AKAP13: variants seen among roughly 807,000 people sequenced by gnomAD.
AKAP13 encodes A-kinase anchoring protein 13, also known as A-kinase anchor protein 13.
In AKAP13, 80 loss-of-function variants were observed where a neutral mutation model predicts 264.5. The ratio of observed to expected loss-of-function variants is 0.30; its 90% CI spans 0.25 to 0.36. The LOEUF (loss-of-function observed/expected upper bound fraction) is 0.36. Among genes scored for constraint, AKAP13 ranks in the 10% least tolerant of loss-of-function variants. AKAP13 has a pLI of 1.00. For synonymous variants in AKAP13, 1,380 were observed against 1,250.2 expected (o/e 1.10, Z -2.19); for missense variants, 3,712 against 3,435.2 (o/e 1.08, Z -2.01).
chr15:85,715,106 G>A (rs952868500), intron 19 of AKAP13, among the ~76,000 whole-genome samples: 6 of 152,010 alleles, frequency 3.9e-5, no homozygotes, highest in African/African-American at 1.5e-4. Flanking sequence ...TTATTTTCCT[G>A]GAGTTCGCTT....
chr15:85,579,753 C>A lies in AKAP13; in HGVS notation c.1685C>A (p.Thr562Asn). 1 of 1,614,222 alleles carries A rather than the reference C, an allele frequency of 6.2e-7. No homozygotes were observed. The highest frequency in any genetic ancestry group is 8.5e-7 in the Non-Finnish European group (1 of 1,180,036). ...SLAFSNEETSTEKTAETETSR... is the reference protein window; with the variant it reads ...SLAFSNEETSNEKTAETETSR... ...GCATTTAGTAATGAAGAAACCTCCA[C>A]TGAAAAAACAGCAGAAACGGAAACT... is the stretch of plus-strand genomic sequence containing the variant. Residue 562 changes from threonine to asparagine, a missense_variant, in exon 7 of 37, where the codon ACT (threonine) becomes AAT (asparagine). Thr to Asn is a moderately conservative substitution (Grantham distance 65). Transcript: ENST00000394518.
At chr15:85,412,432 A>T (rs761190315) in intron 1 of AKAP13, among the ~76,000 whole-genome samples, 1 of 152,252 alleles carries the variant, frequency 6.6e-6, no homozygotes, top group East Asian at 1.9e-4. Flanking sequence ...TAAGCCAGAC[A>T]TTAAAGAGAT....
intron 8 of AKAP13, chr15:85,620,111 G>A: frequency 6.5e-7 from 1 of 1,536,100 alleles, no homozygotes; most frequent in Non-Finnish European, 8.7e-7. Context: ...CGGCACAAGA[G>A]GCGCTACAGC....
At chr15:85,687,794 A>T (rs1273091352) in intron 16 of AKAP13, among the ~76,000 whole-genome samples, 2 of 152,200 alleles carry the variant, frequency 1.3e-5, no homozygotes, top group Non-Finnish European at 2.9e-5. Flanking sequence ...TAATCTCAGT[A>T]CTTTGAGGCT....
chr15:85,490,579 G>A (rs1425613980), intron 2 of AKAP13, among the ~76,000 whole-genome samples: 2 of 152,218 alleles, frequency 1.3e-5, no homozygotes, highest in Non-Finnish European at 2.9e-5. Context: ...GACAAAGTGA[G>A]TCAAGAAAGG....
Position 85,743,809 on chromosome 15 carries a change from C to T in AKAP13, c.8376C>T (p.Ser2792=), listed in dbSNP as rs370338254. ...KKEKKKKNKT[S]RSQPGDGPAS... is the part of the protein sequence containing the mutation. ...AGAAAAAAAAGAAGAACAAAACCAG[C>T]CGCTCTCAGCCCGGTGGTGAGTCAC... The change falls in exon 36 of 37, where the codon AGC becomes AGT. Residue 2792 remains serine (S), a synonymous_variant. Coordinates refer to ENST00000394518, the MANE Select transcript of AKAP13 (RefSeq NM_007200.5). The T allele has an allele frequency of 9.3e-5, 150 of 1,610,300 alleles. No individual in the cohort carries two copies. The highest frequency in any genetic ancestry group is 1.2e-4 in the Non-Finnish European group (138 of 1,178,532).
chr15:85,389,832 C>G (rs2070764986), intron 1 of AKAP13: 1 of 152,222 alleles, frequency 6.6e-6, no homozygotes, highest in Admixed American at 6.5e-5. Context: ...GGGGAGTCTT[C>G]CAGTGAAAAG....
At chr15:85,548,142 A>G (rs886100385) in intron 5 of AKAP13, among the ~76,000 whole-genome samples, 1 of 152,210 alleles carries the variant, frequency 6.6e-6, no homozygotes, top group Non-Finnish European at 1.5e-5. Context: ...TGTTGGGGGT[A>G]TGAGGGAGCT....
chr15:85,690,350 C>G (rs1469446184), intron 16 of AKAP13, among the ~76,000 whole-genome samples: 1 of 152,174 alleles, frequency 6.6e-6, no homozygotes, highest in Non-Finnish European at 1.5e-5. Flanking sequence ...AAATCAGATG[C>G]TTTTCCATTT....
At chr15:85,687,666 T>C (rs1313901176) in intron 16 of AKAP13, among the ~76,000 whole-genome samples, 1 of 152,080 alleles carries the variant, frequency 6.6e-6, no homozygotes, top group Non-Finnish European at 1.5e-5. Flanking sequence ...TAAGTCACCT[T>C]TTATAGTGAG....
At chr15:85,607,597 A>G (rs973860156) in intron 8 of AKAP13, among the ~76,000 whole-genome samples, 1 of 152,210 alleles carries the variant, frequency 6.6e-6, no homozygotes, top group African/African-American at 2.4e-5. Context: ...CTAGCTTAAT[A>G]GAGTCACTAA....
chr15:85,664,480 G>A, intron 12 of AKAP13, 83 bp from the exon 13 acceptor site: 1 of 1,372,704 alleles, frequency 7.3e-7, no homozygotes, highest in South Asian at 1.5e-5. Flanking sequence ...AAACAAGGGA[G>A]ATATACCCAA....
At chr15:85,735,891 G>GTT (rs1464189985) in intron 32 of AKAP13, among the ~76,000 whole-genome samples, 199 bp from the exon 33 acceptor site, 1 of 152,176 alleles carries the variant, frequency 6.6e-6, no homozygotes, top group African/African-American at 2.4e-5. Context: ...GTTTCATTAG[G>GTT]TTTGTTTCAG....
intron 5 of AKAP13, among the ~76,000 whole-genome samples, chr15:85,549,952 T>C (rs1381336883): frequency 2.0e-5 from 3 of 152,200 alleles, no homozygotes; most frequent in African/African-American, 7.2e-5. Flanking sequence ...AGACTATTGC[T>C]GTCACCCAGG....
Position 85,717,341 on chromosome 15 carries a change from A to T in AKAP13, c.5787A>T (p.Ser1929=). ...MSNTWKFLSH[S]TDSLNKISKV... ...ACACCTGGAAATTCCTGTCTCATTC[A>T]ACAGACTCACTAAATAAAATCAGCA... Residue 1929 remains serine (S), a synonymous_variant, in exon 21 of 37, where the codon TCA becomes TCT. Coordinates refer to ENST00000394518, the MANE Select transcript of AKAP13 (RefSeq NM_007200.5). 3.7e-6 allele frequency: 6 copies of T among 1,613,208 alleles called. No individual in the cohort carries two copies. Among genetic ancestry groups the T allele is most frequent in the Non-Finnish European group, 5.1e-6 (6 of 1,179,806 alleles).
At chr15:85,556,578 TCCTAC>T (rs2078156971) in intron 5 of AKAP13, among the ~76,000 whole-genome samples, 1 of 152,332 alleles carries the variant, frequency 6.6e-6, no homozygotes, top group African/African-American at 2.4e-5. Context: ...AAATCCTAGT[TCCTAC>T]CAGGACTCAC....
chr15:85,525,057 AATTTTTTTT>A (rs2076979197), intron 3 of AKAP13, among the ~76,000 whole-genome samples: 2 of 103,592 alleles, frequency 1.9e-5, no homozygotes, highest in Admixed American at 1.0e-4. Flanking sequence ...TCTATCTTTA[AATTTTTTTT>A]TTTTTTTTTT....
At chr15:85,433,117 GTTTT>G (rs199655190) in intron 1 of AKAP13, among the ~76,000 whole-genome samples, 2 of 53,246 alleles carry the variant, frequency 3.8e-5, no homozygotes, top group Non-Finnish European at 7.5e-5. Context: ...CTTCTGTACA[GTTTT>G]TTTTTTTTTT....
At chr15:85,545,714 A>T (rs769825989) in intron 5 of AKAP13, among the ~76,000 whole-genome samples, 1 of 152,174 alleles carries the variant, frequency 6.6e-6, no homozygotes, top group Admixed American at 6.5e-5. Flanking sequence ...AAAGGGGGCG[A>T]TTGTCCCAAA....
Sources: allele counts gnomAD v4.1 joint callset (sites outside exome capture counted in the v4.1 genomes callset), GRCh38; gene constraint gnomAD v4.1.1; transcripts MANE v1.5; gene names NCBI Gene and HGNC (gene_info 2026-07-23, HGNC 2026-07-21).